MACROD2: variants seen among roughly 807,000 people sequenced by gnomAD.
The protein encoded by MACROD2 is ADP-ribose glycohydrolase MACROD2.
Under a neutral mutation model 70.4 loss-of-function variants are expected in MACROD2, and 36 were observed. The observed-to-expected ratio is 0.51, with a 90% CI of 0.39 to 0.68. MACROD2 has a LOEUF of 0.68. Among genes scored for constraint, MACROD2 ranks in the 30% least tolerant of loss-of-function variants. The pLI is 0.00. For synonymous variants in MACROD2, 172 were observed against 178.8 expected (o/e 0.96, Z 0.30); for missense variants, 496 against 538.4 (o/e 0.92, Z 0.78).
chr20:15,935,936 A>T (rs995188002), intron 11 of MACROD2, among the ~76,000 whole-genome samples: 3 of 152,176 alleles, frequency 2.0e-5, no homozygotes, highest in African/African-American at 7.2e-5. Context: ...AGGAAGTGAT[A>T]GTTAAAATGA....
At chr20:15,540,364 G>A (rs2047938995) in intron 8 of MACROD2, among the ~76,000 whole-genome samples, 1 of 152,196 alleles carries the variant, frequency 6.6e-6, no homozygotes, top group Admixed American at 6.5e-5. Context: ...CATTTGGAAA[G>A]CTGACCCCGG....
chr20:14,993,388 G>C (rs2074922838), intron 5 of MACROD2, among the ~76,000 whole-genome samples: 1 of 151,380 alleles, frequency 6.6e-6, no homozygotes, highest in South Asian at 2.1e-4. Flanking sequence ...GTAAACTTTT[G>C]ATCCCAACCA....
At position 14,088,220 on chromosome 20, in the gene MACROD2, C is replaced by T. The variant is rs562893905; in HGVS notation, c.271+2492C>T. On this transcript the variant is annotated intron_variant, in intron 3 of 17. Coordinates refer to ENST00000684519, the MANE Select transcript of MACROD2 (RefSeq NM_001351661.2). ...GGCGTGTGCCTGTAAGTCCCAGCTA[C>T]TCGGGAGGCTGAGGCAGGAGAATTG... is the stretch of plus-strand genomic sequence containing the variant. Among the ~76,000 whole-genome samples the T allele has an allele frequency of 9.9e-4, 149 of 151,184 alleles. 2 individuals are homozygous for T. The highest frequency in any genetic ancestry group is 9.1e-3 in the Admixed American group (137 of 15,138).
At chr20:15,722,746 A>G (rs201272024) in intron 8 of MACROD2, among the ~76,000 whole-genome samples, 1 of 152,172 alleles carries the variant, frequency 6.6e-6, no homozygotes, top group Admixed American at 6.6e-5. Context: ...AAATTGACAT[A>G]ATCCATCTTT....
At chr20:14,531,622 G>GT (rs553429030) in intron 4 of MACROD2, among the ~76,000 whole-genome samples, 27 of 152,250 alleles carry the variant, frequency 1.8e-4, no homozygotes, top group African/African-American at 6.5e-4. Flanking sequence ...TATATAGCAG[G>GT]TATTTTATTA....
intron 7 of MACROD2, among the ~76,000 whole-genome samples, chr20:15,489,439 T>C (rs545208852): frequency 2.6e-4 from 39 of 152,198 alleles, no homozygotes; most frequent in Non-Finnish European, 5.0e-4. Context: ...GCTCCAGTCA[T>C]GTCCAGAGTG....
intron 8 of MACROD2, among the ~76,000 whole-genome samples, chr20:15,849,853 G>T (rs1164847081): frequency 6.6e-6 from 1 of 152,118 alleles, no homozygotes; most frequent in East Asian, 1.9e-4. Context: ...ATAAACAATG[G>T]CTCCATGGTT....
intron 5 of MACROD2, among the ~76,000 whole-genome samples, chr20:15,147,473 A>G (rs895683462): frequency 3.3e-5 from 5 of 151,918 alleles, no homozygotes; most frequent in Non-Finnish European, 7.4e-5. Flanking sequence ...GTGTAATTAT[A>G]AGCAAATAGC....
intron 8 of MACROD2, among the ~76,000 whole-genome samples, chr20:15,842,346 A>C (rs1217285277): frequency 3.3e-5 from 5 of 151,906 alleles, no homozygotes; most frequent in Non-Finnish European, 4.4e-5. Flanking sequence ...GAAACTTCAT[A>C]TTACGCCCAT....
At chr20:14,251,642 A>C (rs1339436939) in intron 3 of MACROD2, among the ~76,000 whole-genome samples, 1 of 152,138 alleles carries the variant, frequency 6.6e-6, no homozygotes, top group Non-Finnish European at 1.5e-5. Context: ...AAGTGCTAAA[A>C]ATGTCTGCCT....
chr20:14,850,058 T>G (rs749238237), intron 5 of MACROD2: 1 of 485,344 alleles, frequency 2.1e-6, no homozygotes, highest in Admixed American at 2.3e-5. Context: ...TCACAATGAC[T>G]TAATGAAATC....
At chr20:14,500,525 C>T (rs186786669) in intron 4 of MACROD2, among the ~76,000 whole-genome samples, 296 of 152,254 alleles carry the variant, frequency 1.9e-3, no homozygotes, top group Middle Eastern at 0.01. Context: ...ATCTTGCCTG[C>T]TTTTTGTCAT....
intron 8 of MACROD2, among the ~76,000 whole-genome samples, chr20:15,827,755 A>C (rs1359836407): frequency 6.6e-6 from 1 of 152,220 alleles, no homozygotes; most frequent in Non-Finnish European, 1.5e-5. Flanking sequence ...ACTACCTTTC[A>C]TGCTAATTGA....
intron 5 of MACROD2, among the ~76,000 whole-genome samples, chr20:15,203,565 C>G (rs1000436827): frequency 6.6e-6 from 1 of 151,994 alleles, no homozygotes; most frequent in Non-Finnish European, 1.5e-5. Flanking sequence ...AACATGGTAC[C>G]TTTTACTCAA....
intron 8 of MACROD2, among the ~76,000 whole-genome samples, chr20:15,549,231 G>A (rs755356934): frequency 9.2e-5 from 14 of 152,102 alleles, no homozygotes; most frequent in African/African-American, 1.4e-4. Flanking sequence ...TATAGAAATG[G>A]GCTAATTCTT....
intron 3 of MACROD2, among the ~76,000 whole-genome samples, chr20:14,446,882 T>C (rs956742881): frequency 6.6e-6 from 1 of 152,166 alleles, no homozygotes; most frequent in African/African-American, 2.4e-5. Context: ...AGATATTTAT[T>C]CTGGAGAAAA....
chr20:14,191,740 T>C (rs2081389950), intron 3 of MACROD2, among the ~76,000 whole-genome samples: 1 of 152,208 alleles, frequency 6.6e-6, no homozygotes, highest in Admixed American at 6.5e-5. Context: ...GAACTGCAAG[T>C]ACAAAGTCTC....
chr20:15,920,794 C>A (rs957503637), intron 10 of MACROD2, among the ~76,000 whole-genome samples: 3 of 152,132 alleles, frequency 2.0e-5, no homozygotes, highest in Admixed American at 1.3e-4. Flanking sequence ...CATTTCTCCA[C>A]CTAAAAAATA....
At chr20:15,169,192 C>A (rs185803673) in intron 5 of MACROD2, among the ~76,000 whole-genome samples, 73 of 152,228 alleles carry the variant, frequency 4.8e-4, no homozygotes, top group Admixed American at 1.8e-3. Context: ...GTTAAAAAAG[C>A]AGCTCAGGAA....
Sources: allele counts gnomAD v4.1 joint callset (sites outside exome capture counted in the v4.1 genomes callset), GRCh38; gene constraint gnomAD v4.1.1; transcripts MANE v1.5; gene names NCBI Gene and HGNC (gene_info 2026-07-23, HGNC 2026-07-21).